The following ZNF423 variants were observed in gnomAD, a reference collection of about 807,000 sequenced individuals.
ZNF423 encodes Ebf-associated zinc finger protein.
ZNF423 carries 12 observed loss-of-function variants against 95.8 expected under a neutral mutation model. The ratio of observed to expected loss-of-function variants is 0.13; its 90% CI spans 0.08 to 0.20. The LOEUF is 0.20. Ranked by LOEUF, ZNF423 falls within the 10% of genes least tolerant of loss-of-function variation. ZNF423 has a pLI of 1.00. For missense variants in ZNF423, 1,316 were observed against 1,737.1 expected (o/e 0.76, Z 4.31); for synonymous variants, 749 against 711.9 (o/e 1.05, Z -0.83).
intron 3 of ZNF423, among the ~76,000 whole-genome samples, chr16:49,678,192 A>G (rs1426582564): frequency 1.3e-5 from 2 of 152,120 alleles, no homozygotes; most frequent in African/African-American, 2.4e-5. Context: ...CAAAAATAAA[A>G]TAAAATATTA....
intron 3 of ZNF423, among the ~76,000 whole-genome samples, chr16:49,652,545 C>T (rs1175465341): frequency 6.6e-6 from 1 of 152,198 alleles, no homozygotes; most frequent in Non-Finnish European, 1.5e-5. Flanking sequence ...TGGCGTGGAC[C>T]TCCTGCGCAC....
At chr16:49,622,638 G>A (rs1596731900) in intron 5 of ZNF423, among the ~76,000 whole-genome samples, 1 of 152,220 alleles carries the variant, frequency 6.6e-6, no homozygotes, top group South Asian at 2.1e-4. Flanking sequence ...CCCCTGGAGA[G>A]GGAACCCTGA....
At chr16:49,553,031 C>T (rs1969698897) in intron 5 of ZNF423, among the ~76,000 whole-genome samples, 1 of 151,990 alleles carries the variant, frequency 6.6e-6, no homozygotes, top group African/African-American at 2.4e-5. Context: ...AAAAATGGCC[C>T]CAGCTTTCTC....
intron 5 of ZNF423, among the ~76,000 whole-genome samples, chr16:49,527,096 G>A (rs551687259): frequency 2.2e-4 from 33 of 152,294 alleles, no homozygotes; most frequent in African/African-American, 7.5e-4. Flanking sequence ...CCTGGCAGGG[G>A]CTGGCAGAGA....
At chr16:49,625,976 T>C (rs539935293) in intron 5 of ZNF423, among the ~76,000 whole-genome samples, 194 bp downstream of exon 5, 218 of 152,196 alleles carry the variant, frequency 1.4e-3, no homozygotes, top group African/African-American at 5.1e-3. Context: ...ATAATGTGAG[T>C]GGAGCTGCGA....
intron 3 of ZNF423, among the ~76,000 whole-genome samples, chr16:49,668,840 C>T (rs7188261): frequency 0.013 from 2,003 of 152,262 alleles, 47 homozygotes; most frequent in African/African-American, 0.046. Flanking sequence ...CATCTACATG[C>T]TGTGTGACCT....
intron 2 of ZNF423, among the ~76,000 whole-genome samples, chr16:49,786,801 T>G (rs1049304093): frequency 6.6e-6 from 1 of 152,214 alleles, no homozygotes; most frequent in African/African-American, 2.4e-5. Context: ...AGGATGGGGA[T>G]TCTCAGTAGC....
At chr16:49,819,825 C>T (rs1011708199) in intron 1 of ZNF423, among the ~76,000 whole-genome samples, 2 of 152,124 alleles carry the variant, frequency 1.3e-5, no homozygotes, top group Admixed American at 6.5e-5. Flanking sequence ...AAGCAACACA[C>T]ATTTAGTAGA....
At chr16:49,506,046 G>A (rs1967619690) in intron 7 of ZNF423, among the ~76,000 whole-genome samples, 1 of 152,216 alleles carries the variant, frequency 6.6e-6, no homozygotes, top group Non-Finnish European at 1.5e-5. Context: ...CCAGAGGGGT[G>A]TGTGCTTTCG....
intron 5 of ZNF423, among the ~76,000 whole-genome samples, chr16:49,545,955 C>G (rs1372371817): frequency 6.6e-6 from 1 of 152,196 alleles, no homozygotes; most frequent in Non-Finnish European, 1.5e-5. Flanking sequence ...GTGCTCTTAA[C>G]CCCAGGGCTG....
chr16:49,638,768 G>A lies in ZNF423; in HGVS notation c.408C>T (p.Gly136=), dbSNP rs771424265. Residue 136 remains glycine, a synonymous_variant, in exon 4 of 8, where the codon GGC becomes GGT. Coordinates refer to ENST00000563137, the MANE Select transcript of ZNF423 (RefSeq NM_001379286.1). The surrounding 1 kb of genome is among the most constrained non-coding windows in gnomAD (Gnocchi z 5.6). ...GCAGGCCCGTGCCCCCTTCCTCCTCGCCGAGGCCGAGGTCACAACCATCTC... is the reference window on the plus strand; with the variant it reads ...GCAGGCCCGTGCCCCCTTCCTCCTCACCGAGGCCGAGGTCACAACCATCTC... ...MIGDGCDLGL[G]EEEGGTGLPY... is the part of the protein sequence containing the mutation. 51 of 1,613,946 alleles carry A rather than the reference G, an allele frequency of 3.2e-5. No homozygotes were observed. The highest frequency in any genetic ancestry group is 1.6e-4 in the Middle Eastern group (1 of 6,084).
intron 1 of ZNF423, among the ~76,000 whole-genome samples, chr16:49,826,435 T>A (rs1252719237): frequency 6.6e-6 from 1 of 152,124 alleles, no homozygotes; most frequent in Non-Finnish European, 1.5e-5. Flanking sequence ...TCAGGCTGGA[T>A]TGATTCATGG....
At chr16:49,567,046 T>C (rs1361166686) in intron 5 of ZNF423, among the ~76,000 whole-genome samples, 1 of 152,156 alleles carries the variant, frequency 6.6e-6, no homozygotes, top group Non-Finnish European at 1.5e-5. Context: ...TGGGCCCAAA[T>C]TGATGACATC....
intron 5 of ZNF423, among the ~76,000 whole-genome samples, chr16:49,588,914 T>C (rs1174521580): frequency 1.3e-5 from 2 of 152,260 alleles, no homozygotes; most frequent in African/African-American, 4.8e-5. Context: ...GCCAGTTTTA[T>C]CGGACAGCTG....
chr16:49,520,565 C>T (rs1378021746), intron 7 of ZNF423, among the ~76,000 whole-genome samples: 2 of 152,242 alleles, frequency 1.3e-5, no homozygotes, highest in Non-Finnish European at 2.9e-5. Flanking sequence ...CAAGACCTCT[C>T]AGCCCATAGT....
Position 49,637,276 on chromosome 16 carries a change from A to C in ZNF423, c.1900T>G (p.Ser634Ala), listed in dbSNP as rs757807129. 2 of 1,614,192 alleles carry C rather than the reference A, an allele frequency of 1.2e-6. No individual in the cohort carries two copies. The highest frequency in any genetic ancestry group is 1.7e-6 in the Non-Finnish European group (2 of 1,180,034). ...KRQRLSASAN[S>A]ISNGEYPCNQ... ...CAAGGATACTCCCCATTGGAGATGGAGTTGGCGCTTGCTGAGAGCCGCTGC... is the reference window on the plus strand; with the variant it reads ...CAAGGATACTCCCCATTGGAGATGGCGTTGGCGCTTGCTGAGAGCCGCTGC... The change falls in exon 4 of 8, where the codon TCC becomes GCC. Residue 634 changes from serine (S) to alanine (A), a missense_variant. Coordinates refer to ENST00000563137, the MANE Select transcript of ZNF423 (RefSeq NM_001379286.1). The surrounding 1 kb of genome is among the most constrained non-coding windows in gnomAD (Gnocchi z 5.6).
intron 2 of ZNF423, among the ~76,000 whole-genome samples, chr16:49,748,695 C>T (rs1394850347): frequency 6.6e-6 from 1 of 152,170 alleles, no homozygotes; most frequent in Admixed American, 6.5e-5. Flanking sequence ...ATCTTTCCAG[C>T]GAAGCCCCTT....
chr16:49,754,858 C>A (rs2033696456), intron 2 of ZNF423, among the ~76,000 whole-genome samples: 1 of 152,248 alleles, frequency 6.6e-6, no homozygotes, highest in South Asian at 2.1e-4. Context: ...GACTTAAATC[C>A]TCCCTCAAAG....
rs182972225 is a variant in ZNF423 at position 49,829,908 on chromosome 16, T to C, written c.40+25827A>G. Among the ~76,000 whole-genome samples the C allele has an allele frequency of 1.4e-4, 22 of 152,246 alleles. No homozygotes were observed. In the East Asian group the frequency reaches 3.1e-3, roughly 21 times the overall value. ...CAATATCTCCTAAATGCCAACTACA[T>C]GCCAGGCACTGTGAATCCCTTCTCC... On this transcript the variant is annotated intron_variant, in intron 1 of 7. Coordinates refer to ENST00000563137, the MANE Select transcript of ZNF423 (RefSeq NM_001379286.1).
Sources: gnomAD v4.1 joint callset for allele counts (sites outside exome capture counted in the v4.1 genomes callset) on GRCh38, gnomAD v4.1.1 for gene constraint, Gnocchi (gnomAD v3.1) non-coding constraint, MANE v1.5 for transcripts, NCBI Gene and HGNC (gene_info 2026-07-23, HGNC 2026-07-21) for gene names.